The following ZNF83 variants were observed in gnomAD, a reference collection of about 807,000 sequenced individuals.
ZNF83 encodes zinc finger protein 816B.
For missense variants in ZNF83, 552 were observed against 629.9 expected (o/e 0.88, Z 1.32); for synonymous variants, 209 against 213.0 (o/e 0.98, Z 0.17).
intron 1 of ZNF83, among the ~76,000 whole-genome samples, chr19:52,661,468 T>G (rs1310348022): frequency 2.0e-5 from 3 of 152,112 alleles, no homozygotes; most frequent in African/African-American, 7.2e-5. Flanking sequence ...CTGACCTCAG[T>G]TCTCAATATG....
chr19:52,630,884 A>G (rs1202455419), intron 2 of ZNF83, among the ~76,000 whole-genome samples: 1 of 152,086 alleles, frequency 6.6e-6, no homozygotes, highest in Non-Finnish European at 1.5e-5. Flanking sequence ...CTAAAACCAG[A>G]TAAGACTTAA....
At chr19:52,677,958 C>T (rs535259417) in intron 1 of ZNF83, among the ~76,000 whole-genome samples, 5 of 151,966 alleles carry the variant, frequency 3.3e-5, no homozygotes, top group African/African-American at 1.2e-4. Context: ...TTGCTTGAAC[C>T]TGGGAGTCGG....
chr19:52,613,107 T>C (rs906785287), exon 3 of ZNF83: 17 of 1,614,074 alleles, frequency 1.1e-5, no homozygotes, highest in Non-Finnish European at 1.4e-5. Flanking sequence ...ATTCATTACA[T>C]TTGAAATGTT....
intron 2 of ZNF83, among the ~76,000 whole-genome samples, chr19:52,659,000 C>G (rs778342879): frequency 6.6e-6 from 1 of 152,024 alleles, no homozygotes; most frequent in African/African-American, 2.4e-5. Context: ...GGTGTGCAGG[C>G]GATTGGGCAC....
chr19:52,657,485 C>T (rs2061521290), intron 2 of ZNF83, among the ~76,000 whole-genome samples: 1 of 147,210 alleles, frequency 6.8e-6, no homozygotes, highest in Non-Finnish European at 1.5e-5. Flanking sequence ...TGGTGGGCTC[C>T]CCACTGCACT....
At chr19:52,612,876 A>G (rs1281627343) in exon 3 of ZNF83, 10 of 685,186 alleles carry the variant, frequency 1.5e-5, no homozygotes, top group Middle Eastern at 3.9e-4. Flanking sequence ...TCTGTCCTCT[A>G]TGGTCTAGCT....
chr19:52,675,511 A>G (rs1324169650), intron 1 of ZNF83, among the ~76,000 whole-genome samples: 1 of 152,104 alleles, frequency 6.6e-6, no homozygotes, highest in Non-Finnish European at 1.5e-5. Context: ...CATACCCTGC[A>G]CACACTGATT....
chr19:52,623,838 G>C (rs1296506735), intron 2 of ZNF83, among the ~76,000 whole-genome samples: 1 of 152,166 alleles, frequency 6.6e-6, no homozygotes, highest in East Asian at 1.9e-4. Flanking sequence ...GTGTCCAAAA[G>C]CTGGACGAGT....
chr19:52,662,899 A>G (rs1316152560), intron 1 of ZNF83, among the ~76,000 whole-genome samples: 1 of 152,154 alleles, frequency 6.6e-6, no homozygotes, highest in Non-Finnish European at 1.5e-5. Flanking sequence ...GTGGTGACTC[A>G]TGCCTGTAAT....
chr19:52,614,365 A>G (rs1324074830), exon 3 of ZNF83: 7 of 1,612,858 alleles, frequency 4.3e-6, no homozygotes. Context: ...TGTATGAGAA[A>G]TGTGGGTTTT....
At chr19:52,648,788 C>T (rs1215727587) in intron 3 of ZNF83, among the ~76,000 whole-genome samples, 1 of 152,172 alleles carries the variant, frequency 6.6e-6, no homozygotes, top group Admixed American at 6.5e-5. Context: ...CAACCTGCTG[C>T]TAAAGAAGAC....
chr19:52,664,352 C>A (rs1034405781), intron 1 of ZNF83, among the ~76,000 whole-genome samples: 5 of 151,898 alleles, frequency 3.3e-5, no homozygotes, highest in African/African-American at 1.2e-4. Flanking sequence ...AAAAATTTGC[C>A]CTATGCGGTG....
At chr19:52,618,922 G>A in intron 2 of ZNF83, 1 of 1,548,240 alleles carries the variant, frequency 6.5e-7, no homozygotes, top group Non-Finnish European at 8.8e-7. Context: ...CTTCTGGAGG[G>A]AAGTTATCCT....
At chr19:52,670,316 A>G (rs1412615938) in intron 1 of ZNF83, among the ~76,000 whole-genome samples, 1 of 152,162 alleles carries the variant, frequency 6.6e-6, no homozygotes, top group Non-Finnish European at 1.5e-5. Context: ...AAATTAGCCA[A>G]TTGGAATTAG....
intron 1 of ZNF83, chr19:52,636,127 T>C (rs2061139088): frequency 6.7e-6 from 1 of 149,546 alleles, no homozygotes; most frequent in African/African-American, 2.5e-5. Context: ...TGAAACCTCG[T>C]TTCTACAAAA....
chr19:52,672,812 C>G (rs1434034689), intron 1 of ZNF83, among the ~76,000 whole-genome samples: 1 of 152,104 alleles, frequency 6.6e-6, no homozygotes, highest in Non-Finnish European at 1.5e-5. Context: ...GTTGGCCAGG[C>G]TGGTCTCCAA....
At chr19:52,631,372 C>T (rs530897344) in intron 2 of ZNF83, among the ~76,000 whole-genome samples, 2 of 152,290 alleles carry the variant, frequency 1.3e-5, no homozygotes, top group South Asian at 2.1e-4. Context: ...GCCTTTCTGT[C>T]CAAACAACTT....
intron 1 of ZNF83, among the ~76,000 whole-genome samples, chr19:52,677,832 G>C (rs1231311858): frequency 2.0e-5 from 3 of 151,964 alleles, no homozygotes; most frequent in Non-Finnish European, 4.4e-5. Context: ...AGGAGTTCAA[G>C]ACCAGCCTGA....
intron 2 of ZNF83, among the ~76,000 whole-genome samples, chr19:52,622,422 A>G (rs75790172): frequency 0.22 from 32,757 of 152,084 alleles, 3,610 homozygotes; most frequent in South Asian, 0.28. Flanking sequence ...TGAGTGGGAT[A>G]GAGTTTATAC....
Sources: allele counts gnomAD v4.1 joint callset (sites outside exome capture counted in the v4.1 genomes callset), GRCh38; gene constraint gnomAD v4.1.1; transcripts MANE v1.5; gene names NCBI Gene and HGNC (gene_info 2026-07-23, HGNC 2026-07-21).